The following TENM4 variants were observed in gnomAD, a reference collection of about 807,000 sequenced individuals.
TENM4 encodes teneurin-4.
In TENM4, 82 loss-of-function variants were observed where a neutral mutation model predicts 243.3. The ratio of observed to expected loss-of-function variants is 0.34; its 90% CI spans 0.28 to 0.40. The LOEUF (loss-of-function observed/expected upper bound fraction) is 0.40. Among genes scored for constraint, TENM4 ranks in the 10% least tolerant of loss-of-function variants. The pLI, the probability that TENM4 is intolerant of heterozygous loss-of-function variation, is 1.00. For missense variants in TENM4, 3,138 were observed against 3,673.3 expected (o/e 0.85, Z 3.77); for synonymous variants, 1,412 against 1,456.3 (o/e 0.97, Z 0.69).
intron 1 of TENM4, among the ~76,000 whole-genome samples, chr11:79,391,012 T>C (rs1218918167): frequency 6.6e-6 from 1 of 152,148 alleles, no homozygotes; most frequent in African/African-American, 2.4e-5. Context: ...GTGGACATGG[T>C]TTTTACATAA....
intron 32 of TENM4, among the ~76,000 whole-genome samples, chr11:78,665,277 C>G (rs1347293953): frequency 7.6e-6 from 1 of 131,256 alleles, no homozygotes; most frequent in South Asian, 2.4e-4. Context: ...TCCTCTGTCT[C>G]TTTCTTTCCT....
intron 1 of TENM4, among the ~76,000 whole-genome samples, chr11:79,434,877 T>C (rs778923538): frequency 2.4e-4 from 37 of 152,218 alleles, no homozygotes; most frequent in East Asian, 7.7e-4. Flanking sequence ...CTACACAGTA[T>C]GTACAAGGAT....
intron 6 of TENM4, among the ~76,000 whole-genome samples, chr11:79,000,560 A>G (rs747323017): frequency 3.3e-5 from 5 of 152,222 alleles, no homozygotes; most frequent in Non-Finnish European, 7.3e-5. Context: ...GACAAAATAG[A>G]TTGTGACAAA....
chr11:78,872,659 T>A (rs1407868756), intron 9 of TENM4, among the ~76,000 whole-genome samples: 1 of 152,170 alleles, frequency 6.6e-6, no homozygotes, highest in Non-Finnish European at 1.5e-5. Context: ...AACGATCAAA[T>A]GAGGCAGGAA....
intron 16 of TENM4, among the ~76,000 whole-genome samples, chr11:78,786,278 C>A (rs1184592393): frequency 6.6e-6 from 1 of 152,194 alleles, no homozygotes; most frequent in Admixed American, 6.5e-5. Flanking sequence ...GGGGGAAGAT[C>A]CCAGGCCTAA....
rs370866836 is a variant in TENM4, at chr11:79,301,722, A to T, written c.-320-4179T>A. ...TGATTGGATCGTGGGGTGGATTCTC[A>T]TGAATGGTTTAGCACTATCCTCTTA... On this transcript the variant is annotated intron_variant, in intron 1 of 33. Transcript: ENST00000278550. Among the ~76,000 whole-genome samples the T allele has an allele frequency of 4.8e-4, 73 of 152,304 alleles. 1 individual carries two copies. In the South Asian group the frequency reaches 9.5e-3, roughly 20 times the overall value.
intron 18 of TENM4, among the ~76,000 whole-genome samples, chr11:78,765,630 G>A (rs1856525896): frequency 6.6e-6 from 1 of 152,182 alleles, no homozygotes; most frequent in Non-Finnish European, 1.5e-5. Flanking sequence ...TATCCTGGAG[G>A]CTTTTTAAAA....
chr11:79,415,318 C>T (rs746794607), intron 1 of TENM4, among the ~76,000 whole-genome samples: 4 of 152,172 alleles, frequency 2.6e-5, no homozygotes, highest in Non-Finnish European at 5.9e-5. Flanking sequence ...AAGTAAAGTG[C>T]ATTTTGGTTT....
chr11:78,781,489 C>A (rs894346984), intron 16 of TENM4, among the ~76,000 whole-genome samples: 3 of 152,186 alleles, frequency 2.0e-5, no homozygotes, highest in Non-Finnish European at 4.4e-5. Context: ...TTGGTCTGCA[C>A]GGTCTTAGCT....
At chr11:78,923,388 C>A (rs1246873865) in intron 6 of TENM4, among the ~76,000 whole-genome samples, 1 of 152,090 alleles carries the variant, frequency 6.6e-6, no homozygotes, top group African/African-American at 2.4e-5. Flanking sequence ...GGGAACTGAT[C>A]TACACTCAAG....
rs552937435 is a variant in TENM4 at position 78,725,530 on chromosome 11, C to T, written c.3550+549G>A. ...TTACCCTGGGTTCCAGCTGCTCACA[C>T]CCAAGTTTTGTCTTTTGCTGTTCCC... On this transcript the variant is annotated intron_variant, in intron 23 of 33. Transcript: ENST00000278550. Among the ~76,000 whole-genome samples, 3 of 152,342 alleles carry T rather than the reference C, an allele frequency of 2.0e-5. 1 individual carries two copies. Among genetic ancestry groups the T allele is most frequent in the African/African-American group, 7.2e-5 (3 of 41,586 alleles).
chr11:79,312,454 T>A (rs776975159), intron 1 of TENM4, among the ~76,000 whole-genome samples: 6 of 152,224 alleles, frequency 3.9e-5, no homozygotes, highest in Non-Finnish European at 8.8e-5. Context: ...ATTAGCATAT[T>A]TAAGGTGCAC....
At chr11:78,744,714 C>T (rs1856006459) in intron 19 of TENM4, among the ~76,000 whole-genome samples, 1 of 152,224 alleles carries the variant, frequency 6.6e-6, no homozygotes, top group South Asian at 2.1e-4. Flanking sequence ...AATGTACTTG[C>T]ATTCATTTAT....
chr11:78,701,583 C>T lies in TENM4; in HGVS notation c.5030G>A (p.Gly1677Asp). 2.5e-6 allele frequency: 4 copies of T among 1,603,964 alleles called. No individual in the cohort carries two copies. The highest frequency in any genetic ancestry group is 3.4e-6 in the Non-Finnish European group (4 of 1,171,692). ...TTTGGTTGCCAGAAGGCCGGAATTGCCATGGTATGTCATCATGGCCAACTC... is the reference window on the plus strand; with the variant it reads ...TTTGGTTGCCAGAAGGCCGGAATTGTCATGGTATGTCATCATGGCCAACTC... ...GHELAMMTYHGNSGLLATKSN... is the reference protein window; with the variant it reads ...GHELAMMTYHDNSGLLATKSN... The change falls in exon 28 of 34, where the codon GGC becomes GAC. Residue 1677 changes from glycine to aspartate, a missense_variant. By Grantham distance (94) the Gly-to-Asp change is moderately conservative. Transcript: ENST00000278550.
At chr11:78,750,589 C>T (rs367942335) in intron 19 of TENM4, among the ~76,000 whole-genome samples, 8 of 152,202 alleles carry the variant, frequency 5.3e-5, no homozygotes, top group East Asian at 3.9e-4. Context: ...AGGGGGCAGA[C>T]GTGCAGTGAG....
In TENM4 at chr11:78,772,831, G is replaced by A. The variant is rs766134093; in HGVS notation, c.2393-1693C>T. Among the ~76,000 whole-genome samples, 8 of 152,210 alleles carry A rather than the reference G, an allele frequency of 5.3e-5. No individual in the cohort carries two copies. The East Asian group carries it at 9.6e-4, about 18-fold the overall frequency. On this transcript the variant is annotated intron_variant, in intron 17 of 33. Coordinates refer to ENST00000278550, the MANE Select transcript of TENM4 (RefSeq NM_001098816.3). ...TGTAACAATTGTGTACTCCAGCCTCGGAGGGATTCCTCCAGAAGTTAGAAG... is the reference window on the plus strand; with the variant it reads ...TGTAACAATTGTGTACTCCAGCCTCAGAGGGATTCCTCCAGAAGTTAGAAG...
At chr11:79,138,736 A>T (rs1862176915) in intron 4 of TENM4, among the ~76,000 whole-genome samples, 1 of 112,160 alleles carries the variant, frequency 8.9e-6, no homozygotes, top group South Asian at 2.5e-4. Context: ...TTATATAAAT[A>T]CATAAAACAT....
At chr11:78,947,811 G>T (rs917967563) in intron 6 of TENM4, among the ~76,000 whole-genome samples, 18 of 152,344 alleles carry the variant, frequency 1.2e-4, no homozygotes, top group Non-Finnish European at 1.6e-4. Context: ...CCCATTACTG[G>T]ATCCGGTGCC....
chr11:78,907,399 T>C (rs1342249755), intron 6 of TENM4, among the ~76,000 whole-genome samples: 51 of 152,236 alleles, frequency 3.4e-4, no homozygotes, highest in Non-Finnish European at 4.4e-5. Context: ...TGAATGCCTA[T>C]TCTGTGCCAA....
Sources: allele counts gnomAD v4.1 joint callset (sites outside exome capture counted in the v4.1 genomes callset), GRCh38; gene constraint gnomAD v4.1.1; transcripts MANE v1.5; gene names NCBI Gene and HGNC (gene_info 2026-07-23, HGNC 2026-07-21).